Variants in SCAPER observed in about 807,000 individuals in gnomAD.
The protein encoded by SCAPER is S-phase cyclin A associated protein in the ER, also known as S phase cyclin A-associated protein in the endoplasmic reticulum.
SCAPER carries 98 observed loss-of-function variants against 182.2 expected under a neutral mutation model. The observed-to-expected ratio is 0.54, with a 90% confidence interval of 0.46 to 0.64. SCAPER has a LOEUF of 0.64. SCAPER is among the 30% of genes least tolerant of loss of function. SCAPER has a pLI of 0.00. For missense variants in SCAPER, 1,432 were observed against 1,690.0 expected (o/e 0.85, Z 2.68); for synonymous variants, 605 against 564.6 (o/e 1.07, Z -1.01).
chr15:76,811,795 TAAAAAATA>T (rs1336123233), intron 5 of SCAPER, among the ~76,000 whole-genome samples: 2 of 132,898 alleles, frequency 1.5e-5, no homozygotes, highest in Non-Finnish European at 1.7e-5. Flanking sequence ...CCTCAAAAAA[TAAAAAATA>T]AAAAAATAAA....
intron 22 of SCAPER, among the ~76,000 whole-genome samples, chr15:76,609,168 C>T (rs1201580120): frequency 6.6e-6 from 1 of 152,084 alleles, no homozygotes; most frequent in Non-Finnish European, 1.5e-5. Context: ...CTTGGCTCCT[C>T]CCTGGCATTT....
intron 20 of SCAPER, among the ~76,000 whole-genome samples, chr15:76,671,615 A>G (rs1220629108): frequency 2.6e-5 from 4 of 151,924 alleles, no homozygotes; most frequent in South Asian, 4.2e-4. Flanking sequence ...TAAAAATACA[A>G]AAAAATTAGC....
chr15:76,524,655 T>C (rs944271560), intron 23 of SCAPER, among the ~76,000 whole-genome samples: 1 of 150,774 alleles, frequency 6.6e-6, no homozygotes, highest in African/African-American at 2.4e-5. Context: ...TTAAGATAGC[T>C]GTTACAGCTT....
Position 76,790,230 on chromosome 15 carries a change from C to CAA in SCAPER, c.772+5048_772+5049dup, listed in dbSNP as rs34503482. On this transcript the variant is annotated intron_variant, in intron 8 of 31. Transcript: ENST00000563290. ...TGGGAGACAGAGCAAGACTCCATCT[C>CAA]AAAAAAAAAAAAAAATGTACATCAA... Among the ~76,000 whole-genome samples, 514 of 140,516 alleles carry CAA rather than the reference C, an allele frequency of 3.7e-3. 1 individual carries two copies. The highest frequency in any genetic ancestry group is 0.012 in the African/African-American group (446 of 36,778). The allele number at this position is 140,516 out of a possible 152,430, so 92.2% of individuals were successfully genotyped here.
At chr15:76,428,790 C>T (rs1029840162) in intron 26 of SCAPER, among the ~76,000 whole-genome samples, 4 of 147,524 alleles carry the variant, frequency 2.7e-5, no homozygotes, top group Non-Finnish European at 4.5e-5. Flanking sequence ...AGAAGAGAGG[C>T]TTCTGAATGT....
In SCAPER at chr15:76,398,736, GTTT is replaced by G. The variant is rs758637431; in HGVS notation, c.3467+5785_3467+5787del. Among the ~76,000 whole-genome samples the G allele has an allele frequency of 1.1e-4, 17 of 152,238 alleles. No homozygotes were observed. In the East Asian group the frequency reaches 3.1e-3, roughly 28 times the overall value. On this transcript the variant is annotated intron_variant, in intron 27 of 31. Coordinates refer to ENST00000563290, the MANE Select transcript of SCAPER (RefSeq NM_020843.4). ...CACAAATATATATAACATCAAACTTGTTTTTGTATACAAATATTCTTGAATTCA... is the reference window on the plus strand; with the variant it reads ...CACAAATATATATAACATCAAACTTGTTGTATACAAATATTCTTGAATTCA...
chr15:76,519,290 G>GA (rs1421212429), intron 23 of SCAPER, among the ~76,000 whole-genome samples: 2 of 152,010 alleles, frequency 1.3e-5, no homozygotes, highest in Non-Finnish European at 2.9e-5. Context: ...TGATCATATA[G>GA]AAAATAAATG....
chr15:76,895,881 A>T (rs944450541), intron 1 of SCAPER, among the ~76,000 whole-genome samples: 3 of 152,004 alleles, frequency 2.0e-5, no homozygotes, highest in Non-Finnish European at 4.4e-5. Context: ...TCTACTAAAA[A>T]TACAAAAAAT....
At chr15:76,616,656 A>G (rs1328701648) in intron 22 of SCAPER, among the ~76,000 whole-genome samples, 1 of 152,122 alleles carries the variant, frequency 6.6e-6, no homozygotes, top group South Asian at 2.1e-4. Flanking sequence ...TAAAAAATGA[A>G]AAAAAGTACA....
chr15:76,694,581 CA>C (rs1567822349), intron 20 of SCAPER, among the ~76,000 whole-genome samples: 1 of 151,742 alleles, frequency 6.6e-6, no homozygotes, highest in East Asian at 1.9e-4. Context: ...TATTTTACCA[CA>C]AAAAAAGACA....
chr15:76,573,416 A>AGCTAAT (rs1567496829), intron 23 of SCAPER, among the ~76,000 whole-genome samples: 3 of 152,104 alleles, frequency 2.0e-5, no homozygotes, highest in African/African-American at 7.2e-5. Flanking sequence ...AAAACAAAAC[A>AGCTAAT]AAAACCCAAA....
intron 21 of SCAPER, among the ~76,000 whole-genome samples, chr15:76,635,791 T>C (rs1021269229): frequency 1.3e-5 from 2 of 152,232 alleles, no homozygotes; most frequent in African/African-American, 4.8e-5. Context: ...TGTTAAATAC[T>C]TTTTCTGCAT....
At chr15:76,756,085 A>G (rs1283281398) in intron 14 of SCAPER, among the ~76,000 whole-genome samples, 1 of 152,010 alleles carries the variant, frequency 6.6e-6, no homozygotes, top group Admixed American at 6.6e-5. Context: ...TCTACCAAAA[A>G]TATAAAAAAT....
intron 19 of SCAPER, 71 bp downstream of exon 19, chr15:76,702,779 G>C: frequency 6.5e-7 from 1 of 1,529,172 alleles, no homozygotes; most frequent in East Asian, 2.4e-5. Context: ...AAGACTGCAA[G>C]AATATATTTC....
chr15:76,714,984 A>G (rs2059810646), intron 17 of SCAPER, among the ~76,000 whole-genome samples: 1 of 152,102 alleles, frequency 6.6e-6, no homozygotes, highest in African/African-American at 2.4e-5. Flanking sequence ...AAAACTCAAC[A>G]TCCACCCAGC....
At chr15:76,796,505 T>C (rs1214294382) in intron 7 of SCAPER, among the ~76,000 whole-genome samples, 1 of 152,334 alleles carries the variant, frequency 6.6e-6, no homozygotes, top group East Asian at 1.9e-4. Flanking sequence ...GAAGTAAATA[T>C]ATAACTCAAC....
chr15:76,420,792 C>G (rs1335994880), intron 26 of SCAPER, among the ~76,000 whole-genome samples: 1 of 152,128 alleles, frequency 6.6e-6, no homozygotes, highest in Admixed American at 6.5e-5. Flanking sequence ...CATGACAGGC[C>G]CCGGTGTGTG....
intron 4 of SCAPER, chr15:76,855,894 A>G: frequency 4.7e-6 from 2 of 429,122 alleles, no homozygotes; most frequent in Non-Finnish European, 9.5e-6. Context: ...CAGAAATACC[A>G]TTCAACCCAG....
At chr15:76,784,384 G>C (rs897808117) in intron 8 of SCAPER, among the ~76,000 whole-genome samples, 7 of 152,162 alleles carry the variant, frequency 4.6e-5, no homozygotes, top group African/African-American at 1.7e-4. Flanking sequence ...CAAAATAAAA[G>C]AGGACACAAA....
Sources: allele counts gnomAD v4.1 joint callset (sites outside exome capture counted in the v4.1 genomes callset), GRCh38; gene constraint gnomAD v4.1.1; transcripts MANE v1.5; gene names NCBI Gene and HGNC (gene_info 2026-07-23, HGNC 2026-07-21).